AIG1: variants seen among roughly 807,000 people sequenced by gnomAD.
AIG1 encodes the protein androgen-induced gene 1 protein.
In AIG1, 23 loss-of-function variants were observed where a neutral mutation model predicts 31.4. That is an observed-to-expected ratio of 0.73 (90% CI 0.53 to 1.04). The LOEUF is 1.04. AIG1 is among the 50% of genes least tolerant of loss of function. The pLI is 0.00. For synonymous variants in AIG1, 100 were observed against 110.5 expected, an observed-to-expected ratio of 0.90 and a Z score of 0.60; for missense variants, 274 against 295.0, an observed-to-expected ratio of 0.93 and a Z score of 0.52.
intron 2 of AIG1, among the ~76,000 whole-genome samples, chr6:143,154,912 A>G (rs1785589205): frequency 6.8e-6 from 1 of 148,094 alleles, no homozygotes. Context: ...CAGCGGTGTG[A>G]TCTCGGTGCA....
chr6:143,281,148 G>A lies in AIG1; in HGVS notation c.400-2962G>A, dbSNP rs145172292. Reference sequence around the variant, plus strand: ...ATATAATACTAATGCAGAAAAAAGAGCATGAGATTTGGAGGCATACAGAAC... The same window carrying A: ...ATATAATACTAATGCAGAAAAAAGAACATGAGATTTGGAGGCATACAGAAC... On this transcript the variant is annotated intron_variant, in intron 3 of 5. Transcript: ENST00000357847. 3.9e-3 allele frequency among the ~76,000 whole-genome samples: 601 copies of A among 152,262 alleles called. 2 individuals carry two copies. The highest frequency in any genetic ancestry group is 6.1e-3 in the Non-Finnish European group (413 of 68,010).
chr6:143,260,064 C>G (rs1054424938), intron 3 of AIG1, among the ~76,000 whole-genome samples: 8 of 142,368 alleles, frequency 5.6e-5, no homozygotes, highest in Admixed American at 4.3e-4. Context: ...CACTCTGTCA[C>G]CCAGGCTGAA....
At chr6:143,196,393 A>ACC (rs1405152182) in intron 3 of AIG1, among the ~76,000 whole-genome samples, 3 of 139,242 alleles carry the variant, frequency 2.2e-5, no homozygotes, top group African/African-American at 5.1e-5. Flanking sequence ...ACACACACAC[A>ACC]CACCCCAATT....
chr6:143,301,818 C>T (rs1217675911), intron 4 of AIG1, among the ~76,000 whole-genome samples: 2 of 152,080 alleles, frequency 1.3e-5, no homozygotes, highest in Non-Finnish European at 2.9e-5. Context: ...AGACAGTATC[C>T]AAATACTCAC....
chr6:143,099,662 T>C (rs1419924164), intron 1 of AIG1: 1 of 152,132 alleles, frequency 6.6e-6, no homozygotes, highest in Non-Finnish European at 1.5e-5. Flanking sequence ...ATAAAAGTGG[T>C]TTCATTATGA....
chr6:143,315,500 A>G (rs1458129558), intron 4 of AIG1, among the ~76,000 whole-genome samples: 1 of 152,148 alleles, frequency 6.6e-6, no homozygotes, highest in Non-Finnish European at 1.5e-5. Flanking sequence ...CAAAATAAAG[A>G]GCTAGAAATA....
chr6:143,237,384 G>T (rs961749183), intron 3 of AIG1, among the ~76,000 whole-genome samples: 1 of 152,094 alleles, frequency 6.6e-6, no homozygotes, highest in Admixed American at 6.5e-5. Flanking sequence ...TGTAGTTGAG[G>T]CTACAATTTA....
At chr6:143,282,598 T>C (rs556875079) in intron 3 of AIG1, among the ~76,000 whole-genome samples, 1 of 152,298 alleles carries the variant, frequency 6.6e-6, no homozygotes, top group East Asian at 1.9e-4. Flanking sequence ...AGATAAAAGA[T>C]AAAGAAATAT....
chr6:143,084,077 C>T lies in AIG1; in HGVS notation c.141+23011C>T, dbSNP rs542877749. Among the ~76,000 whole-genome samples the T allele has an allele frequency of 4.1e-4, 62 of 152,188 alleles. No homozygotes were observed. The South Asian group carries it at 0.012, about 30-fold the overall frequency. ...GTGACAGATCTGGAGGACAGTTGTC[C>T]GGGACAGGAGAGTAAGACTGAGAAG... On this transcript the variant is annotated intron_variant, in intron 1 of 5. Transcript: ENST00000357847.
At chr6:143,213,139 G>A (rs902604190) in intron 3 of AIG1, among the ~76,000 whole-genome samples, 2 of 152,164 alleles carry the variant, frequency 1.3e-5, no homozygotes, top group African/African-American at 4.8e-5. Flanking sequence ...AGAGAAAGTG[G>A]AAATCGTTTT....
intron 3 of AIG1, among the ~76,000 whole-genome samples, chr6:143,204,381 A>G (rs1790943696): frequency 6.6e-6 from 1 of 152,086 alleles, no homozygotes; most frequent in Non-Finnish European, 1.5e-5. Flanking sequence ...ACAGCCTCTT[A>G]GGGTACTCTG....
chr6:143,267,156 C>T (rs1796214260), intron 3 of AIG1, among the ~76,000 whole-genome samples: 1 of 152,110 alleles, frequency 6.6e-6, no homozygotes, highest in African/African-American at 2.4e-5. Context: ...CATGGTGCTT[C>T]CCCCAGACTG....
Position 143,291,638 on chromosome 6 carries a change from C to T in AIG1, c.515+7413C>T, listed in dbSNP as rs1228978230. Among the ~76,000 whole-genome samples, 1 of 152,164 alleles carries T rather than the reference C, an allele frequency of 6.6e-6. No homozygotes were observed. Among genetic ancestry groups the T allele is most frequent in the Non-Finnish European group, 1.5e-5 (1 of 68,040 alleles). ...CCCCCGCCAGAAAGGAAAGAGGCAT[C>T]TCAGAACCAGTCCACGTCCTCCTCT... On this transcript the variant is annotated intron_variant, in intron 4 of 5. Coordinates refer to ENST00000357847, the MANE Select transcript of AIG1 (RefSeq NM_016108.4). The surrounding 1 kb of genome is among the most constrained non-coding windows in gnomAD (Gnocchi z 4.2).
At chr6:143,263,275 G>GTTT (rs34950112) in intron 3 of AIG1, among the ~76,000 whole-genome samples, 5,573 of 146,492 alleles carry the variant, frequency 0.038, 275 homozygotes, top group Admixed American at 0.16. Flanking sequence ...TCCTTTATTT[G>GTTT]TTTTTTTTTT....
intron 2 of AIG1, among the ~76,000 whole-genome samples, chr6:143,142,368 C>A (rs1002541051): frequency 6.6e-6 from 1 of 152,186 alleles, no homozygotes; most frequent in Non-Finnish European, 1.5e-5. Flanking sequence ...CTACCATACC[C>A]AGCTAATTAT....
At chr6:143,129,633 G>A (rs902566794) in intron 1 of AIG1, among the ~76,000 whole-genome samples, 5 of 151,892 alleles carry the variant, frequency 3.3e-5, no homozygotes, top group South Asian at 2.1e-4. Context: ...TTGTTTTTTC[G>A]CTCTCCTAGA....
At chr6:143,282,495 T>C (rs78267784) in intron 3 of AIG1, among the ~76,000 whole-genome samples, 2 of 152,328 alleles carry the variant, frequency 1.3e-5, no homozygotes, top group African/African-American at 4.8e-5. Flanking sequence ...ATCTTTAAAA[T>C]GCATACTGTC....
At chr6:143,134,008 A>G (rs747101292) in intron 1 of AIG1, among the ~76,000 whole-genome samples, 29 of 152,082 alleles carry the variant, frequency 1.9e-4, no homozygotes, top group Non-Finnish European at 1.9e-4. Flanking sequence ...TTTTTAGTCA[A>G]TCTTTAAAAC....
chr6:143,179,971 G>A (rs1788566574), intron 3 of AIG1, among the ~76,000 whole-genome samples: 1 of 152,228 alleles, frequency 6.6e-6, no homozygotes. Flanking sequence ...AAATGTTGGT[G>A]ATTGAAAGAA....
Sources: allele counts gnomAD v4.1 joint callset (sites outside exome capture counted in the v4.1 genomes callset), GRCh38; gene constraint gnomAD v4.1.1; non-coding constraint Gnocchi (gnomAD v3.1); transcripts MANE v1.5; gene names NCBI Gene and HGNC (gene_info 2026-07-23, HGNC 2026-07-21).